The following TFF2 variants were observed in gnomAD, a reference collection of about 807,000 sequenced individuals.
TFF2 encodes trefoil factor 2.
Under a neutral mutation model 16.0 loss-of-function variants are expected in TFF2, and 19 were observed. The observed-to-expected ratio is 1.19, with a 90% confidence interval of 0.83 to 1.74. The LOEUF is 1.74. Among genes scored for constraint, TFF2 ranks in the 40% most tolerant of loss-of-function variants. The probability of loss-of-function intolerance (pLI) is 0.00; values close to 1 mark genes in which losing one functional copy is unlikely to be tolerated. For missense variants in TFF2, 168 were observed against 166.8 expected, an observed-to-expected ratio of 1.01 and a Z score of -0.04; for synonymous variants, 61 against 65.4, an observed-to-expected ratio of 0.93 and a Z score of 0.32.
Position 42,347,476 on chromosome 21 carries a change from G to A in TFF2, c.376+10C>T. The stretch of plus-strand genomic sequence containing the variant: ...CGGGAACCAGACAGAGAGTCCCACA[G>A]CGACGTTACCTTCCACAGACTTCGG... On this transcript the variant is annotated intron_variant, in intron 3 of 3. Coordinates refer to ENST00000291526, the MANE Select transcript of TFF2 (RefSeq NM_005423.5). 2.5e-6 allele frequency: 4 copies of A among 1,614,138 alleles called. No homozygotes were observed. The highest frequency in any genetic ancestry group is 1.3e-5 in the African/African-American group (1 of 75,054).
At chr21:42,348,789 C>T (rs1298484041) in intron 2 of TFF2, among the ~76,000 whole-genome samples, 2 of 151,898 alleles carry the variant, frequency 1.3e-5, no homozygotes, top group Non-Finnish European at 2.9e-5. Flanking sequence ...GACTAACAGT[C>T]CAGGCTAGTA....
intron 3 of TFF2, among the ~76,000 whole-genome samples, chr21:42,346,917 T>C (rs1428760711): frequency 6.6e-6 from 1 of 152,180 alleles, no homozygotes; most frequent in Non-Finnish European, 1.5e-5. Context: ...CTGGATCTGC[T>C]TGGTCTTTTT....
At position 42,346,528 on chromosome 21, in the gene TFF2, C is replaced by T. The variant is rs202002579; in HGVS notation, c.*5G>A. On this transcript the variant is annotated 3_prime_UTR_variant, in exon 4 of 4. Coordinates refer to ENST00000291526, the MANE Select transcript of TFF2 (RefSeq NM_005423.5). ...GCCAGATGCATCCTCTGGAACCAGC[C>T]TCTCTTAGTAATGGCAGTCTAGAAG... The T allele has an allele frequency of 6.2e-7, 1 of 1,606,244 alleles. No individual in the cohort carries two copies. The highest frequency in any genetic ancestry group is 8.5e-7 in the Non-Finnish European group (1 of 1,178,046).
rs533544321 is a variant in TFF2 at position 42,347,513 on chromosome 21, A to G, written c.349T>C (p.Trp117Arg). 2 of 1,614,184 alleles carry G rather than the reference A, an allele frequency of 1.2e-6. No homozygotes were observed. Among genetic ancestry groups the G allele is most frequent in the Non-Finnish European group, 1.7e-6 (2 of 1,180,018 alleles). The change falls in exon 3 of 4, where the codon TGG (tryptophan) becomes CGG (arginine). Residue 117 changes from tryptophan to arginine, a missense_variant. Trp to Arg is a moderately radical substitution (Grantham distance 101, BLOSUM62 -3). Transcript: ENST00000291526. ...TCCACAGACTTCGGGAAGAAGCACC[A>G]GGGCACTTCAAAGATGAAGTTGGAG... ...CFSNFIFEVP[W>R]CFFPKSVEDC...
chr21:42,350,871 T>A lies in TFF2; in HGVS notation c.79+8A>T. 1.2e-6 allele frequency: 2 copies of A among 1,606,392 alleles called. No individual in the cohort carries two copies. Among genetic ancestry groups the A allele is most frequent in the Non-Finnish European group, 1.7e-6 (2 of 1,177,566 alleles). ...AAAGCACATAAAAAGACCCTCTCCT[T>A]CACTTACAGGGTTTCTCACTCCCCG... is the stretch of plus-strand genomic sequence containing the variant. On this transcript the variant is annotated splice_region_variant and intron_variant, in intron 1 of 3. Coordinates refer to ENST00000291526, the MANE Select transcript of TFF2 (RefSeq NM_005423.5).
chr21:42,350,174 G>A (rs1079380), intron 1 of TFF2, 144 bp from the exon 2 acceptor site: 674,051 of 1,310,004 alleles, frequency 0.51, 175,531 homozygotes, highest in African/African-American at 0.62. Context: ...TAAGCAATGC[G>A]GTTTCCTCCT....
chr21:42,349,540 G>C (rs1216603363), intron 2 of TFF2, among the ~76,000 whole-genome samples: 1 of 125,482 alleles, frequency 8.0e-6, no homozygotes, highest in Non-Finnish European at 1.7e-5. Context: ...ACCAACCTGG[G>C]CTACTAGCCC....
Position 42,349,874 on chromosome 21 carries a change from A to G in TFF2, c.229+7T>C. 6.3e-7 allele frequency: 1 copy of G among 1,589,218 alleles called. No individual in the cohort carries two copies. On this transcript the variant is annotated splice_region_variant and intron_variant, in intron 2 of 3. Transcript: ENST00000291526. ...TGCTGGCCCAGGAAGATTCCCTGGAAGATTACCTTGCTTTGGGAGGGGGTG... is the reference window on the plus strand; with the variant it reads ...TGCTGGCCCAGGAAGATTCCCTGGAGGATTACCTTGCTTTGGGAGGGGGTG...
At chr21:42,350,780 A>G in intron 1 of TFF2, 99 bp downstream of exon 1, 2 of 1,290,124 alleles carry the variant, frequency 1.6e-6, no homozygotes, top group South Asian at 1.4e-5. Flanking sequence ...AGATGCCTTT[A>G]TAGCCATTCC....
At chr21:42,347,699 T>C in intron 2 of TFF2, 67 bp from the exon 3 acceptor site, 1 of 1,575,044 alleles carries the variant, frequency 6.3e-7, no homozygotes, top group Admixed American at 1.8e-5. Context: ...GCTCCACCCC[T>C]TCCTCCTCTG....
intron 1 of TFF2, 88 bp downstream of exon 1, chr21:42,350,791 C>T (rs544517104): frequency 9.5e-6 from 13 of 1,369,076 alleles, no homozygotes; most frequent in Admixed American, 2.1e-5. Context: ...TAGCCATTCC[C>T]CCTCTCAAGT....
intron 2 of TFF2, 40 bp downstream of exon 2, chr21:42,349,841 T>C (rs1415611263): frequency 1.9e-6 from 3 of 1,545,242 alleles, no homozygotes; most frequent in Non-Finnish European, 2.6e-6. Context: ...GGGTCCTGGG[T>C]TGCCAGCTGC....
intron 3 of TFF2, 135 bp downstream of exon 3, chr21:42,347,351 C>T: frequency 1.7e-6 from 2 of 1,163,054 alleles, no homozygotes; most frequent in African/African-American, 3.1e-5. Flanking sequence ...CTTCAGAATC[C>T]CATAGGAGGC....
At chr21:42,348,001 G>A (rs1343685305) in intron 2 of TFF2, among the ~76,000 whole-genome samples, 1 of 152,228 alleles carries the variant, frequency 6.6e-6, no homozygotes, top group African/African-American at 2.4e-5. Flanking sequence ...GGGCCAAGAT[G>A]AGAAAAGGTT....
chr21:42,350,099 C>A, intron 1 of TFF2, 69 bp from the exon 2 acceptor site: 1 of 1,516,918 alleles, frequency 6.6e-7, no homozygotes. Flanking sequence ...CTCAGAGGTT[C>A]TAGGGGATGC....
chr21:42,347,122 C>A (rs1239916015), intron 3 of TFF2, among the ~76,000 whole-genome samples: 1 of 152,168 alleles, frequency 6.6e-6, no homozygotes, highest in Non-Finnish European at 1.5e-5. Context: ...TTGAGTTGGG[C>A]CCTCTCTGGT....
Position 42,347,582 on chromosome 21 carries a change from G to C in TFF2, c.280C>G (p.Pro94Ala), listed in dbSNP as rs1232743401. Residue 94 changes from proline (P) to alanine (A), a missense_variant, in exon 3 of 4, where the codon CCG (proline) becomes GCG (alanine). Pro to Ala is a conservative substitution (Grantham distance 27, BLOSUM62 -1). Transcript: ENST00000291526. ...EVSDRRNCGY[P>A]GISPEECASR... ...GCGCATTCCTCGGGGCTGATGCCCG[G>C]GTAGCCACAGTTTCTTCGGTCTGAG... is the stretch of plus-strand genomic sequence containing the variant. 6.2e-7 allele frequency: 1 copy of C among 1,614,082 alleles called. No homozygotes were observed. Among genetic ancestry groups the C allele is most frequent in the African/African-American group, 1.3e-5 (1 of 74,940 alleles).
At position 42,350,859 on chromosome 21, in the gene TFF2, A is replaced by C. The variant is rs374416500; in HGVS notation, c.79+20T>G. On this transcript the variant is annotated intron_variant, in intron 1 of 3. Coordinates refer to ENST00000291526, the MANE Select transcript of TFF2 (RefSeq NM_005423.5). The stretch of plus-strand genomic sequence containing the variant: ...AGAGAAATAAAGAAAGCACATAAAA[A>C]GACCCTCTCCTTCACTTACAGGGTT... 1.1e-5 allele frequency: 17 copies of C among 1,591,188 alleles called. No homozygotes were observed. In the African/African-American group the frequency reaches 1.9e-4, roughly 18 times the overall value.
Position 42,349,872 on chromosome 21 carries a change from GA to G in TFF2, c.229+8del. 6.3e-7 allele frequency: 1 copy of G among 1,587,820 alleles called. No homozygotes were observed. Among genetic ancestry groups the G allele is most frequent in the Non-Finnish European group, 8.6e-7 (1 of 1,166,356 alleles). On this transcript the variant is annotated splice_region_variant and intron_variant, in intron 2 of 3. Transcript: ENST00000291526. Reference sequence around the variant, plus strand: ...GCTGCTGGCCCAGGAAGATTCCCTGGAAGATTACCTTGCTTTGGGAGGGGGT... The same window carrying G: ...GCTGCTGGCCCAGGAAGATTCCCTGGAGATTACCTTGCTTTGGGAGGGGGT...
Sources: allele counts gnomAD v4.1 joint callset (sites outside exome capture counted in the v4.1 genomes callset), GRCh38; gene constraint gnomAD v4.1.1; transcripts MANE v1.5; gene names NCBI Gene and HGNC (gene_info 2026-07-23, HGNC 2026-07-21).